Variants in MOB3B observed in about 807,000 individuals in gnomAD.
MOB3B encodes MOB kinase activator-like 2B.
A neutral mutation model predicts 18.7 loss-of-function variants in MOB3B; 7 were observed. That is an observed-to-expected ratio of 0.37 (90% CI 0.21 to 0.70). MOB3B has a LOEUF of 0.70. MOB3B is among the 30% of genes least tolerant of loss of function. The probability of loss-of-function intolerance (pLI) is 0.52; values close to 1 mark genes in which losing one functional copy is unlikely to be tolerated. For synonymous variants in MOB3B, 111 were observed against 99.9 expected, an observed-to-expected ratio of 1.11 and a Z score of -0.66; for missense variants, 253 against 281.3, an observed-to-expected ratio of 0.90 and a Z score of 0.72.
chr9:27,433,079 C>T (rs1222358929), intron 2 of MOB3B, among the ~76,000 whole-genome samples: 3 of 150,802 alleles, frequency 2.0e-5, no homozygotes, highest in Non-Finnish European at 4.4e-5. Flanking sequence ...ATGAGATTTG[C>T]TGATTTTCTT....
At chr9:27,466,116 GCT>G (rs1464806294) in intron 1 of MOB3B, among the ~76,000 whole-genome samples, 1 of 152,056 alleles carries the variant, frequency 6.6e-6, no homozygotes, top group African/African-American at 2.4e-5. Context: ...GAACTTTTAC[GCT>G]CTGTTTCTCT....
rs532623569 is a variant in MOB3B at position 27,381,709 on chromosome 9, C to T, written c.419-22473G>A. 2.6e-5 allele frequency among the ~76,000 whole-genome samples: 4 copies of T among 152,226 alleles called. No homozygotes were observed. The South Asian group carries it at 8.3e-4, about 32-fold the overall frequency. On this transcript the variant is annotated intron_variant, in intron 2 of 3. Coordinates refer to ENST00000262244, the MANE Select transcript of MOB3B (RefSeq NM_024761.5). ...TTGTCCAGGCTGGTGTGCAGAGGCG[C>T]CATCGTAGCTCATTGTATCCTCAAC...
intron 2 of MOB3B, among the ~76,000 whole-genome samples, chr9:27,400,145 C>G (rs75493207): frequency 0.031 from 4,780 of 152,256 alleles, 219 homozygotes; most frequent in African/African-American, 0.11. Context: ...TTTTTAAAGC[C>G]TTTATATTGT....
At chr9:27,421,108 C>T (rs1822243131) in intron 2 of MOB3B, 1 of 151,412 alleles carries the variant, frequency 6.6e-6, no homozygotes, top group Non-Finnish European at 1.5e-5. Flanking sequence ...TTTTTTTTTT[C>T]AGACGGAGTT....
At position 27,354,402 on chromosome 9, in the gene MOB3B, T is replaced by G. The variant is rs188635049; in HGVS notation, c.621+4632A>C. Among the ~76,000 whole-genome samples, 710 of 152,326 alleles carry G rather than the reference T, an allele frequency of 4.7e-3. 4 individuals carry two copies. Among genetic ancestry groups the G allele is most frequent in the Non-Finnish European group, 8.6e-3 (588 of 68,030 alleles). On this transcript the variant is annotated intron_variant, in intron 3 of 3. Coordinates refer to ENST00000262244, the MANE Select transcript of MOB3B (RefSeq NM_024761.5). ...AGAGGATTCAAGATTTCCTGGGTGA[T>G]CTATCTGGAATTTGGAACAGAGAAT...
chr9:27,414,661 T>G (rs961173309), intron 2 of MOB3B, among the ~76,000 whole-genome samples: 2 of 152,178 alleles, frequency 1.3e-5, no homozygotes, highest in Admixed American at 1.3e-4. Flanking sequence ...GTTTTCAAAG[T>G]GCTGCCTCAC....
chr9:27,401,846 T>C (rs1422889380), intron 2 of MOB3B, among the ~76,000 whole-genome samples: 1 of 152,170 alleles, frequency 6.6e-6, no homozygotes, highest in Non-Finnish European at 1.5e-5. Context: ...GAAACATGAG[T>C]AACCACAACA....
intron 3 of MOB3B, among the ~76,000 whole-genome samples, chr9:27,357,482 A>G (rs1382307337): frequency 6.6e-6 from 1 of 151,828 alleles, no homozygotes; most frequent in Non-Finnish European, 1.5e-5. Flanking sequence ...CCCCAGGCCA[A>G]GGTATCAGAT....
At chr9:27,490,738 T>A (rs1205732515) in intron 1 of MOB3B, among the ~76,000 whole-genome samples, 1 of 152,154 alleles carries the variant, frequency 6.6e-6, no homozygotes, top group Non-Finnish European at 1.5e-5. Flanking sequence ...TTCTTGACTC[T>A]CACTCCAGTG....
At chr9:27,342,825 C>T (rs573304912) in intron 3 of MOB3B, among the ~76,000 whole-genome samples, 57 of 151,656 alleles carry the variant, frequency 3.8e-4, no homozygotes, top group African/African-American at 1.3e-3. Context: ...ACAACCTCCA[C>T]CTCCCAGCCG....
At chr9:27,512,213 G>C (rs537507242) in intron 1 of MOB3B, among the ~76,000 whole-genome samples, 1 of 152,138 alleles carries the variant, frequency 6.6e-6, no homozygotes, top group South Asian at 2.1e-4. Context: ...GTTTTGAGCT[G>C]GGTACACATG....
rs750225512 is a variant in MOB3B at position 27,455,544 on chromosome 9, T to C, written c.7A>G (p.Ile3Val). Reference protein sequence around the residue: MSIALKQVFNKDK... With the variant: MSVALKQVFNKDK... ...TTGTTGAATACCTGCTTCAGGGCTA[T>C]GGACATGGTCTTCTCTTTCGCTTCC... The change falls in exon 2 of 4, where the codon ATA (isoleucine) becomes GTA (valine). Residue 3 changes from isoleucine (I) to valine (V), a missense_variant. Physicochemically the swap from Ile to Val is conservative, Grantham distance 29. Transcript: ENST00000262244. 13 of 1,614,092 alleles carry C rather than the reference T, an allele frequency of 8.1e-6. No individual in the cohort carries two copies. Among genetic ancestry groups the C allele is most frequent in the Admixed American group, 1.7e-5 (1 of 60,012 alleles).
intron 2 of MOB3B, among the ~76,000 whole-genome samples, chr9:27,395,594 G>A (rs1436406958): frequency 1.3e-5 from 2 of 152,216 alleles, no homozygotes; most frequent in Non-Finnish European, 2.9e-5. Flanking sequence ...TCAACAGGGA[G>A]CGAATGTGAT....
chr9:27,407,164 C>T (rs550271535), intron 2 of MOB3B, among the ~76,000 whole-genome samples: 92 of 152,228 alleles, frequency 6.0e-4, no homozygotes, highest in Non-Finnish European at 1.1e-3. Flanking sequence ...AGATTTCAGC[C>T]CCACTCTGTG....
chr9:27,518,823 G>C (rs10511815), intron 1 of MOB3B, among the ~76,000 whole-genome samples: 8,693 of 152,200 alleles, frequency 0.057, 420 homozygotes, highest in African/African-American at 0.13. Flanking sequence ...GGTTATTACT[G>C]AATCAGATTT....
intron 3 of MOB3B, among the ~76,000 whole-genome samples, chr9:27,332,519 G>T (rs1415932134): frequency 6.6e-6 from 1 of 152,194 alleles, no homozygotes; most frequent in Non-Finnish European, 1.5e-5. Flanking sequence ...AGGTGCTTTG[G>T]GGTGGTTATA....
At chr9:27,504,380 T>C (rs1322447577) in intron 1 of MOB3B, among the ~76,000 whole-genome samples, 1 of 152,206 alleles carries the variant, frequency 6.6e-6, no homozygotes, top group Non-Finnish European at 1.5e-5. Context: ...TGTTCAAATT[T>C]CAGTTACCAC....
intron 2 of MOB3B, among the ~76,000 whole-genome samples, chr9:27,412,534 T>G (rs1368910043): frequency 6.6e-6 from 1 of 152,238 alleles, no homozygotes; most frequent in Non-Finnish European, 1.5e-5. Flanking sequence ...GTCTCTTGTT[T>G]GGTTTTCCTT....
Position 27,455,271 on chromosome 9 carries a change from G to C in MOB3B, c.280C>G (p.Pro94Ala). 6.2e-7 allele frequency: 1 copy of C among 1,613,958 alleles called. No individual in the cohort carries two copies. The highest frequency in any genetic ancestry group is 8.5e-7 in the Non-Finnish European group (1 of 1,179,952). ...TCCTGCCACCGATACTCATATTTGGGGCCCCCTGACATCACAGGACAGGTC... is the reference window on the plus strand; with the variant it reads ...TCCTGCCACCGATACTCATATTTGGCGCCCCCTGACATCACAGGACAGGTC... The part of the protein sequence containing the change: ...ERTCPVMSGG[P>A]KYEYRWQDDL... The change falls in exon 2 of 4, where the codon CCC (proline) becomes GCC (alanine). Residue 94 changes from proline (P) to alanine (A), a missense_variant. Pro to Ala is a conservative substitution (Grantham distance 27). Transcript: ENST00000262244.
Sources: allele counts gnomAD v4.1 joint callset (sites outside exome capture counted in the v4.1 genomes callset), GRCh38; gene constraint gnomAD v4.1.1; transcripts MANE v1.5; gene names NCBI Gene and HGNC (gene_info 2026-07-23, HGNC 2026-07-21).